IFT80: variants seen among roughly 807,000 people sequenced by gnomAD.
IFT80 encodes the protein intraflagellar transport protein 80 homolog.
IFT80 carries 79 observed loss-of-function variants against 107.9 expected under a neutral mutation model. The observed-to-expected ratio is 0.73, with a 90% CI of 0.61 to 0.88. IFT80 has a LOEUF of 0.88. IFT80 is among the 40% of genes least tolerant of loss of function. The pLI is 0.00. For synonymous variants in IFT80, 299 were observed against 300.9 expected (o/e 0.99, Z 0.07); for missense variants, 797 against 914.2 (o/e 0.87, Z 1.65).
intron 8 of IFT80, among the ~76,000 whole-genome samples, chr3:160,344,394 CAGA>C (rs1720135263): frequency 6.6e-6 from 1 of 152,060 alleles, no homozygotes; most frequent in Admixed American, 6.6e-5. Flanking sequence ...TATCTATATA[CAGA>C]AGAATGAAAC....
intron 18 of IFT80, among the ~76,000 whole-genome samples, chr3:160,272,678 C>A (rs1346364243): frequency 6.6e-6 from 1 of 152,186 alleles, no homozygotes; most frequent in Non-Finnish European, 1.5e-5. Flanking sequence ...CTCATGGCCT[C>A]AACTACTGTC....
At chr3:160,382,844 T>A (rs1254610801) in intron 2 of IFT80, among the ~76,000 whole-genome samples, 1 of 152,128 alleles carries the variant, frequency 6.6e-6, no homozygotes, top group Admixed American at 6.6e-5. Flanking sequence ...TACAATAGAT[T>A]AAGCAGAAAC....
At chr3:160,393,685 A>C (rs969249629) in intron 1 of IFT80, among the ~76,000 whole-genome samples, 13 of 152,224 alleles carry the variant, frequency 8.5e-5, no homozygotes, top group African/African-American at 3.1e-4. Flanking sequence ...TAAAAAAGAA[A>C]ATAAAAGAAT....
In IFT80 at chr3:160,261,790, A is replaced by C. The variant is rs575630258; in HGVS notation, c.2224-3155T>G. Among the ~76,000 whole-genome samples the C allele has an allele frequency of 1.3e-3, 187 of 147,756 alleles. 1 individual carries two copies. Among genetic ancestry groups the C allele is most frequent in the African/African-American group, 4.6e-3 (179 of 38,892 alleles). ...GCACTCCAGCCTGGGCAACAAAGTG[A>C]GACCCTGTCTCAAAAAAAAAAAAAA... On this transcript the variant is annotated intron_variant, in intron 19 of 19. Transcript: ENST00000326448.
intron 5 of IFT80, among the ~76,000 whole-genome samples, chr3:160,373,080 G>C (rs547252468): frequency 2.3e-4 from 35 of 152,206 alleles, no homozygotes; most frequent in Non-Finnish European, 4.1e-4. Context: ...AGCAAATTTT[G>C]TATTTTTTGT....
chr3:160,330,212 G>T (rs1347324660), intron 8 of IFT80, among the ~76,000 whole-genome samples: 1 of 152,202 alleles, frequency 6.6e-6, no homozygotes, highest in Non-Finnish European at 1.5e-5. Context: ...CCCTGGCTCT[G>T]ATCCAACCAA....
chr3:160,312,697 A>AT (rs1717400869), intron 9 of IFT80, among the ~76,000 whole-genome samples: 1 of 46,066 alleles, frequency 2.2e-5, no homozygotes, highest in South Asian at 5.1e-4. Context: ...TATTATATAT[A>AT]AATATATAAT....
intron 4 of IFT80, among the ~76,000 whole-genome samples, chr3:160,376,721 C>T (rs1712054136): frequency 6.6e-6 from 1 of 152,216 alleles, no homozygotes; most frequent in Non-Finnish European, 1.5e-5. Context: ...TTTTGGATCA[C>T]TGGGAGACAC....
At chr3:160,282,723 C>A in intron 13 of IFT80, 110 bp from the exon 14 acceptor site, 2 of 708,584 alleles carry the variant, frequency 2.8e-6, no homozygotes, top group South Asian at 3.7e-5. Flanking sequence ...TGTCATTTCC[C>A]CATTTATAAT....
intron 9 of IFT80, among the ~76,000 whole-genome samples, chr3:160,312,944 A>AT (rs1559934040): frequency 0.014 from 609 of 42,338 alleles, 86 homozygotes; most frequent in African/African-American, 0.07. Context: ...ATATATAATA[A>AT]ATATATATTA....
At position 160,257,432 on chromosome 3, in the gene IFT80, G is replaced by A. The variant is rs11559102; in HGVS notation, c.*1093C>T. ...TGTTTTATTGTTTAAAAGATTATGT[G>A]GTAATAACTTTGGGATACACTAAAT... On this transcript the variant is annotated 3_prime_UTR_variant, in exon 20 of 20. Coordinates refer to ENST00000326448, the MANE Select transcript of IFT80 (RefSeq NM_020800.3). The A allele has an allele frequency of 1.3e-5, 2 of 151,878 alleles. No homozygotes were observed. The highest frequency in any genetic ancestry group is 1.5e-5 in the Non-Finnish European group (1 of 67,984). The allele number at this position is 151,878 out of a possible 1,614,324, so 9.4% of individuals were successfully genotyped here.
intron 8 of IFT80, among the ~76,000 whole-genome samples, chr3:160,354,930 T>A (rs1720964870): frequency 1.3e-5 from 2 of 152,120 alleles, no homozygotes; most frequent in South Asian, 2.1e-4. Context: ...TAACCAGAAA[T>A]CTTAATAGAT....
chr3:160,371,049 T>C (rs937759629), intron 5 of IFT80, among the ~76,000 whole-genome samples: 1 of 152,216 alleles, frequency 6.6e-6, no homozygotes, highest in Non-Finnish European at 1.5e-5. Flanking sequence ...TGTATGCTTA[T>C]AGAATAAATG....
In IFT80 at chr3:160,282,491, T is replaced by C. The variant is rs747591357; in HGVS notation, c.1503A>G (p.Gln501=). The change falls in exon 14 of 20, where the codon CAA becomes CAG. Residue 501 remains glutamine (Q), a synonymous_variant. Coordinates refer to ENST00000326448, the MANE Select transcript of IFT80 (RefSeq NM_020800.3). ...TSVKRFGKEE[Q]IIKLGTMVHT... Reference sequence around the variant, plus strand: ...AAATTATTTTACCAAGCTTGATAATTTGTTCTTCCTTCCCAAATCGTTTCA... The same window carrying C: ...AAATTATTTTACCAAGCTTGATAATCTGTTCTTCCTTCCCAAATCGTTTCA... 2 of 1,589,316 alleles carry C rather than the reference T, an allele frequency of 1.3e-6. No homozygotes were observed. The highest frequency in any genetic ancestry group is 1.7e-6 in the Non-Finnish European group (2 of 1,163,262).
At chr3:160,300,834 T>A in intron 12 of IFT80, 49 bp downstream of exon 12, 1 of 1,429,260 alleles carries the variant, frequency 7.0e-7, no homozygotes. Flanking sequence ...AATTTTATAG[T>A]GTTAACAAAT....
chr3:160,367,127 G>A (rs1721925479), intron 5 of IFT80, among the ~76,000 whole-genome samples: 1 of 151,926 alleles, frequency 6.6e-6, no homozygotes, highest in African/African-American at 2.4e-5. Flanking sequence ...TTTTATGGCT[G>A]AATAGTACTC....
In IFT80 at chr3:160,319,825, CAT is replaced by C. The variant is rs1420420542; in HGVS notation, c.890_891del (p.His297ArgfsTer25). On this transcript the variant is annotated frameshift_variant, in exon 9 of 20. Transcript: ENST00000326448. LOFTEE classifies it high-confidence loss of function. ...ACGNGHVVFA[H>X]VVEQHWEWKN... ...TTCCACTCCCAATGTTGTTCCACCA[CAT>C]GTGCAAAAACGACATGTCCATTTCC... is the stretch of plus-strand genomic sequence containing the variant. 4 of 1,612,976 alleles carry C rather than the reference CAT, an allele frequency of 2.5e-6. No homozygotes were observed. The highest frequency in any genetic ancestry group is 3.4e-6 in the Non-Finnish European group (4 of 1,179,314).
At chr3:160,273,693 T>C (rs114001605) in intron 18 of IFT80, among the ~76,000 whole-genome samples, 6 of 152,246 alleles carry the variant, frequency 3.9e-5, no homozygotes, top group African/African-American at 9.6e-5. Flanking sequence ...AGTTGGAGAA[T>C]TGAATTCTGG....
In IFT80 at chr3:160,285,835, G is replaced by A. The variant is rs546763252; in HGVS notation, c.1349C>T (p.Pro450Leu). 1.2e-5 allele frequency: 19 copies of A among 1,605,814 alleles called. No individual in the cohort carries two copies. The highest frequency in any genetic ancestry group is 3.3e-5 in the South Asian group (3 of 90,666). Reference protein sequence around the residue: ...IFLFEASTGKPLGDGKFLSHK... With the variant: ...IFLFEASTGKLLGDGKFLSHK... The stretch of plus-strand genomic sequence containing the variant: ...AGAAAGAAACTTTCCATCACCTAAC[G>A]GCTTTCCGGTTGATGCCTCAAAGAG... Residue 450 changes from proline (P) to leucine (L), a missense_variant, in exon 13 of 20, where the codon CCG becomes CTG. Pro to Leu is a moderately conservative substitution (Grantham distance 98, BLOSUM62 -3). Coordinates refer to ENST00000326448, the MANE Select transcript of IFT80 (RefSeq NM_020800.3).
Sources: gnomAD v4.1 joint callset for allele counts (sites outside exome capture counted in the v4.1 genomes callset) on GRCh38, gnomAD v4.1.1 for gene constraint, MANE v1.5 for transcripts, NCBI Gene and HGNC (gene_info 2026-07-23, HGNC 2026-07-21) for gene names.